The following ABR variants were observed in gnomAD, a reference collection of about 807,000 sequenced individuals.
ABR encodes the protein ABR activator of RhoGEF and GTPase.
Under a neutral mutation model 107.2 loss-of-function variants are expected in ABR, and 35 were observed. The ratio of observed to expected loss-of-function variants is 0.33; its 90% CI spans 0.25 to 0.43. ABR has a LOEUF of 0.43. ABR is among the 20% of genes least tolerant of loss of function. The pLI, the probability that ABR is intolerant of heterozygous loss-of-function variation, is 1.00. For missense variants in ABR, 815 were observed against 1,115.2 expected, an observed-to-expected ratio of 0.73 and a Z score of 3.83; for synonymous variants, 498 against 462.0, an observed-to-expected ratio of 1.08 and a Z score of -1.00.
chr17:1,102,034 G>C (rs546931374), intron 2 of ABR, among the ~76,000 whole-genome samples: 9 of 152,018 alleles, frequency 5.9e-5, no homozygotes, highest in African/African-American at 1.4e-4. Flanking sequence ...CACCCTGCCG[G>C]AAAGACATTT....
chr17:1,059,015 G>C, intron 10 of ABR, 148 bp from the exon 11 acceptor site: 1 of 1,213,298 alleles, frequency 8.2e-7, no homozygotes, highest in Non-Finnish European at 1.1e-6. Context: ...AGGAGAGGCG[G>C]GTAGCTGGGT....
intron 1 of ABR, among the ~76,000 whole-genome samples, chr17:1,211,497 T>G (rs1598134133): frequency 1.3e-5 from 2 of 152,064 alleles, no homozygotes; most frequent in Admixed American, 6.6e-5. Context: ...AAACAAAGCG[T>G]GAATCATAGG....
chr17:1,166,293 T>C (rs1598029763), intron 1 of ABR, among the ~76,000 whole-genome samples: 1 of 151,916 alleles, frequency 6.6e-6, no homozygotes, highest in Non-Finnish European at 1.5e-5. Context: ...AGGGCTTCTC[T>C]CCAGGGCCAA....
rs144693408 is a variant in ABR, at chr17:1,060,476, A to C, written c.1183-1609T>G. On this transcript the variant is annotated intron_variant, in intron 10 of 22. Coordinates refer to ENST00000302538, the MANE Select transcript of ABR (RefSeq NM_021962.5). Reference sequence around the variant, plus strand: ...AGACCCACTGTGGAGTAAAATGCTGAAGTTGCAAAACAGCACGTGTAGTCT... The same window carrying C: ...AGACCCACTGTGGAGTAAAATGCTGCAGTTGCAAAACAGCACGTGTAGTCT... Among the ~76,000 whole-genome samples, 3 of 152,322 alleles carry C rather than the reference A, an allele frequency of 2.0e-5. No homozygotes were observed. The East Asian group carries it at 5.8e-4, about 29-fold the overall frequency.
chr17:1,124,177 G>A (rs538417844), intron 2 of ABR, among the ~76,000 whole-genome samples: 4 of 152,274 alleles, frequency 2.6e-5, no homozygotes, highest in African/African-American at 4.8e-5. Context: ...GGTGGCCGGG[G>A]GGGCTGGAAG....
At chr17:1,134,449 A>T (rs1050841641) in intron 1 of ABR, among the ~76,000 whole-genome samples, 13 of 152,324 alleles carry the variant, frequency 8.5e-5, no homozygotes, top group Non-Finnish European at 1.6e-4. Context: ...TAAATTAAAT[A>T]AATAAAAGAA....
intron 1 of ABR, among the ~76,000 whole-genome samples, chr17:1,140,450 G>A (rs2040242968): frequency 6.6e-6 from 1 of 152,222 alleles, no homozygotes; most frequent in Admixed American, 6.5e-5. Flanking sequence ...AAGCGAGGCT[G>A]CCACTTCCCA....
chr17:1,017,842 G>T (rs1004246199), intron 16 of ABR, among the ~76,000 whole-genome samples: 8 of 151,200 alleles, frequency 5.3e-5, no homozygotes, highest in Non-Finnish European at 8.8e-5. Context: ...ACCTCAGGTG[G>T]TCCGCCCACC....
intron 16 of ABR, among the ~76,000 whole-genome samples, chr17:1,019,600 C>T (rs2071462429): frequency 6.6e-6 from 1 of 152,238 alleles, no homozygotes; most frequent in Admixed American, 6.5e-5. Flanking sequence ...CTCCAGAAAC[C>T]AAGTCTATTT....
rs1446155898 is a variant in ABR at position 1,154,284 on chromosome 17, C to T, written c.61+25383G>A. ...CTGTACCATGGCGTCTCCACCACCA[C>T]ACGGTCCCCTCCCCGCCTGCACCCC... is the stretch of plus-strand genomic sequence containing the variant. On this transcript the variant is annotated intron_variant, in intron 1 of 22. Coordinates refer to ENST00000302538, the MANE Select transcript of ABR (RefSeq NM_021962.5). The surrounding 1 kb of genome is among the most constrained non-coding windows in gnomAD (Gnocchi z 4.0). The T allele has an allele frequency of 1.3e-5, 2 of 152,326 alleles. No individual in the cohort carries two copies. The highest frequency in any genetic ancestry group is 2.1e-4 in the South Asian group (1 of 4,840). 9.4% of individuals were successfully genotyped at this position (152,326 alleles called of 1,614,324 possible).
chr17:1,031,887 CCTCCCTCCGT>C, intron 16 of ABR: 1 of 1,161,280 alleles, frequency 8.6e-7, no homozygotes, highest in Non-Finnish European at 1.1e-6. Flanking sequence ...CCCCTCCCTC[CCTCCCTCCGT>C]CCGCGTCCCT....
At chr17:1,096,038 G>T (rs873168) in intron 3 of ABR, among the ~76,000 whole-genome samples, 1 of 152,032 alleles carries the variant, frequency 6.6e-6, no homozygotes, top group African/African-American at 2.4e-5. Flanking sequence ...GCAAGACACA[G>T]TTCCCAAGCT....
chr17:1,149,574 C>T (rs187923655), intron 1 of ABR, among the ~76,000 whole-genome samples: 1 of 152,210 alleles, frequency 6.6e-6, no homozygotes, highest in East Asian at 1.9e-4. Context: ...TGCACCACCA[C>T]ACCCAGCTAA....
At chr17:1,094,076 C>G (rs1193507235) in intron 3 of ABR, among the ~76,000 whole-genome samples, 1 of 152,010 alleles carries the variant, frequency 6.6e-6, no homozygotes, top group Non-Finnish European at 1.5e-5. Flanking sequence ...CTGACCCTCA[C>G]CGTCCTAGAA....
chr17:1,027,962 T>C lies in ABR; in HGVS notation c.1792-14798A>G, dbSNP rs1490365222. On this transcript the variant is annotated intron_variant, in intron 16 of 22. Transcript: ENST00000302538. This position sits in a 1 kb window ranked among gnomAD's most constrained non-coding sequence, Gnocchi z 4.7. ...TGTGTACCCTCGATGGCCAAGTGAG[T>C]GGTAGAGTGAACCTCTGGGGTGTGC... Among the ~76,000 whole-genome samples, 1 of 151,676 alleles carries C rather than the reference T, an allele frequency of 6.6e-6. No homozygotes were observed. Among genetic ancestry groups the C allele is most frequent in the African/African-American group, 2.4e-5 (1 of 41,226 alleles).
chr17:1,057,065 C>T lies in ABR; in HGVS notation c.1419G>A (p.Gln473=), dbSNP rs2151071055. 1.2e-6 allele frequency: 2 copies of T among 1,612,978 alleles called. No homozygotes were observed. Among genetic ancestry groups the T allele is most frequent in the Non-Finnish European group, 1.7e-6 (2 of 1,179,220 alleles). Residue 473 remains glutamine, a synonymous_variant, in exon 13 of 23, where the codon CAG becomes CAA. Coordinates refer to ENST00000302538, the MANE Select transcript of ABR (RefSeq NM_021962.5). ...GCTTGAAACAGGATCCTGTGAGCAC[C>T]TGGAGCTCCACTGAGCTCAGGACAA... ...QAFVLSSVEL[Q]VLTGSCFKLR...
intron 10 of ABR, 148 bp from the exon 11 acceptor site, chr17:1,059,015 G>A (rs2033647410): frequency 8.2e-7 from 1 of 1,213,298 alleles, no homozygotes; most frequent in Non-Finnish European, 1.1e-6. Context: ...AGGAGAGGCG[G>A]GTAGCTGGGT....
intron 1 of ABR, among the ~76,000 whole-genome samples, chr17:1,160,407 A>G (rs1214530226): frequency 6.6e-6 from 1 of 152,198 alleles, no homozygotes; most frequent in South Asian, 2.1e-4. Flanking sequence ...AGTAGGAATT[A>G]CACCCCAAAT....
At chr17:1,100,117 G>A (rs1214341411) in intron 3 of ABR, among the ~76,000 whole-genome samples, 1 of 123,328 alleles carries the variant, frequency 8.1e-6, no homozygotes, top group Non-Finnish European at 1.6e-5. Context: ...CAAGAGCAAA[G>A]CTCCGTCTTA....
Sources: gnomAD v4.1 joint callset for allele counts (sites outside exome capture counted in the v4.1 genomes callset) on GRCh38, gnomAD v4.1.1 for gene constraint, Gnocchi (gnomAD v3.1) non-coding constraint, MANE v1.5 for transcripts, NCBI Gene and HGNC (gene_info 2026-07-23, HGNC 2026-07-21) for gene names.